The following SYT10 variants were observed in gnomAD, a reference collection of about 807,000 sequenced individuals.
The protein encoded by SYT10 is synaptotagmin-10.
A neutral mutation model predicts 51.1 loss-of-function variants in SYT10; 31 were observed. That is an observed-to-expected ratio of 0.61 (90% CI 0.46 to 0.82). SYT10 has a LOEUF of 0.82. SYT10 is among the 40% of genes least tolerant of loss of function. SYT10 has a pLI of 0.00. For synonymous variants in SYT10, 233 were observed against 225.9 expected (o/e 1.03, Z -0.28); for missense variants, 603 against 634.0 (o/e 0.95, Z 0.53).
rs189528511 is a variant in SYT10, at chr12:33,429,303, C to T, written c.152-2808G>A. ...TTCTTGTTTATAACTATATTTTTCT[C>T]TCCAAAGGAGGAGTTAGGGTTAACT... is the stretch of plus-strand genomic sequence containing the variant. On this transcript the variant is annotated intron_variant, in intron 1 of 6. Transcript: ENST00000228567. 3.0e-3 allele frequency among the ~76,000 whole-genome samples: 456 copies of T among 152,228 alleles called. 4 individuals carry two copies. The highest frequency in any genetic ancestry group is 9.0e-3 in the African/African-American group (375 of 41,546).
At chr12:33,407,628 C>G (rs1028865316) in intron 2 of SYT10, among the ~76,000 whole-genome samples, 1 of 152,094 alleles carries the variant, frequency 6.6e-6, no homozygotes, top group African/African-American at 2.4e-5. Flanking sequence ...TTTTTTGAGA[C>G]AGGATCTTGT....
In SYT10 at chr12:33,407,255, G is replaced by C. The variant is rs368570091; in HGVS notation, c.611C>G (p.Thr204Ser). 11 of 1,613,872 alleles carry C rather than the reference G, an allele frequency of 6.8e-6. No individual in the cohort carries two copies. The highest frequency in any genetic ancestry group is 1.3e-5 in the African/African-American group (1 of 74,912). Residue 204 changes from threonine (T) to serine (S), a missense_variant, in exon 3 of 7, where the codon ACC (threonine) becomes AGC (serine). Coordinates refer to ENST00000228567, the MANE Select transcript of SYT10 (RefSeq NM_198992.4). ...TTCTGGCTTTATCCTCCCAATGCTG[G>C]TTGTTGTTTCTCCTCGTTGTAAAAC... ...EPVLQRGETT[T>S]SIGRIKPELY...
chr12:33,400,603 G>A (rs1866294916), intron 3 of SYT10, among the ~76,000 whole-genome samples: 1 of 151,926 alleles, frequency 6.6e-6, no homozygotes, highest in South Asian at 2.1e-4. Flanking sequence ...CATTGAATAG[G>A]TAAGTAAATA....
chr12:33,427,801 A>C (rs1275532815), intron 1 of SYT10, among the ~76,000 whole-genome samples: 3 of 152,198 alleles, frequency 2.0e-5, no homozygotes, highest in Admixed American at 2.0e-4. Flanking sequence ...TTAAGTGAGG[A>C]TCTAGGAGAA....
At chr12:33,400,276 A>G (rs1001731244) in intron 3 of SYT10, among the ~76,000 whole-genome samples, 6 of 152,210 alleles carry the variant, frequency 3.9e-5, no homozygotes, top group Non-Finnish European at 7.3e-5. Flanking sequence ...GGGTAGAATT[A>G]AAAAGACACC....
At chr12:33,400,963 G>A (rs145703338) in intron 3 of SYT10, among the ~76,000 whole-genome samples, 1 of 151,462 alleles carries the variant, frequency 6.6e-6, no homozygotes, top group Non-Finnish European at 1.5e-5. Context: ...GGAGGTGGAG[G>A]CTGCAGTGAG....
rs564600509 is a variant in SYT10 at position 33,439,286 on chromosome 12, C to G, written c.151+86G>C. On this transcript the variant is annotated intron_variant, in intron 1 of 6. Transcript: ENST00000228567. ...CCCCAAATATGCCGCGGGAGCGGCG[C>G]GGGAGGCGCAGAACCCCGGAGCTTG... The G allele has an allele frequency of 8.0e-5, 119 of 1,486,512 alleles. No individual in the cohort carries two copies. The African/African-American group carries it at 1.5e-3, about 19-fold the overall frequency. The allele number at this position is 1,486,512 out of a possible 1,614,324, so 92.1% of individuals were successfully genotyped here. A position where few individuals can be genotyped will look rare whatever the true frequency, so the allele number is the denominator to read the frequency against.
intron 3 of SYT10, among the ~76,000 whole-genome samples, chr12:33,385,629 C>T (rs1349179244): frequency 6.6e-6 from 1 of 152,170 alleles, no homozygotes; most frequent in Non-Finnish European, 1.5e-5. Context: ...AAGGCTGAAG[C>T]CAAAAACCCA....
chr12:33,417,928 G>A (rs555853079), intron 2 of SYT10, among the ~76,000 whole-genome samples: 2 of 152,286 alleles, frequency 1.3e-5, no homozygotes, highest in African/African-American at 4.8e-5. Context: ...TGGTGAGTTG[G>A]AAGGGTTGTC....
At chr12:33,388,783 A>G (rs764709704) in intron 3 of SYT10, among the ~76,000 whole-genome samples, 2 of 152,224 alleles carry the variant, frequency 1.3e-5, no homozygotes, top group African/African-American at 2.4e-5. Flanking sequence ...ATGATTGGCT[A>G]TAGTCAACCT....
At chr12:33,416,478 T>C (rs1439425847) in intron 2 of SYT10, among the ~76,000 whole-genome samples, 3 of 152,318 alleles carry the variant, frequency 2.0e-5, no homozygotes, top group South Asian at 2.1e-4. Flanking sequence ...TCTATTGATA[T>C]TGAAAACCCT....
At chr12:33,426,521 A>G (rs1167658794) in intron 1 of SYT10, 26 bp from the exon 2 acceptor site, 1 of 1,481,112 alleles carries the variant, frequency 6.8e-7, no homozygotes, top group Non-Finnish European at 9.0e-7. Context: ...TGTAAAAATG[A>G]TTAATTAATA....
At chr12:33,379,994 C>T in intron 5 of SYT10, 33 bp from the exon 6 acceptor site, 1 of 1,563,206 alleles carries the variant, frequency 6.4e-7, no homozygotes, top group South Asian at 1.2e-5. Context: ...TTTTCATTTC[C>T]AACATTCAAA....
Position 33,376,556 on chromosome 12 carries a change from G to T in SYT10, c.*274C>A. On this transcript the variant is annotated 3_prime_UTR_variant, in exon 7 of 7. Coordinates refer to ENST00000228567, the MANE Select transcript of SYT10 (RefSeq NM_198992.4). ...TTTAAAAAAACATTTCATATGCAAA[G>T]AATTACAACATAGTAAAACACTCTT... The T allele has an allele frequency of 2.3e-6, 1 of 437,592 alleles. No individual in the cohort carries two copies. 27.1% of individuals were successfully genotyped at this position (437,592 alleles called of 1,614,324 possible).
chr12:33,381,360 C>A (rs1407596516), intron 5 of SYT10, among the ~76,000 whole-genome samples: 1 of 152,024 alleles, frequency 6.6e-6, no homozygotes, highest in Non-Finnish European at 1.5e-5. Flanking sequence ...GGTGATGATA[C>A]TATAAAATGG....
intron 1 of SYT10, among the ~76,000 whole-genome samples, chr12:33,427,577 T>C (rs1166314711): frequency 1.3e-5 from 2 of 152,136 alleles, no homozygotes; most frequent in East Asian, 1.9e-4. Flanking sequence ...AGAAGTTAGA[T>C]TAAGTAGAAT....
At chr12:33,388,327 T>C (rs1866175942) in intron 3 of SYT10, among the ~76,000 whole-genome samples, 1 of 152,186 alleles carries the variant, frequency 6.6e-6, no homozygotes, top group African/African-American at 2.4e-5. Context: ...TAGAGACATG[T>C]GCACTATCTT....
At chr12:33,395,517 A>C (rs1866248457) in intron 3 of SYT10, among the ~76,000 whole-genome samples, 1 of 152,242 alleles carries the variant, frequency 6.6e-6, no homozygotes, top group Admixed American at 6.5e-5. Flanking sequence ...TATCTCCTAC[A>C]ACCTTCAAGC....
rs140531095 is a variant in SYT10, at chr12:33,425,869, A to C, written c.509+269T>G. ...TCTGTAGTTACACGATTTTACTGAG[A>C]CCTCACATTCTGCTAAGCCCCTTTC... is the stretch of plus-strand genomic sequence containing the variant. On this transcript the variant is annotated intron_variant, in intron 2 of 6. Coordinates refer to ENST00000228567, the MANE Select transcript of SYT10 (RefSeq NM_198992.4). Among the ~76,000 whole-genome samples the C allele has an allele frequency of 3.1e-3, 467 of 152,082 alleles. 4 individuals are homozygous for C. Among genetic ancestry groups the C allele is most frequent in the African/African-American group, 0.011 (437 of 41,502 alleles).
Sources: gnomAD v4.1 joint callset for allele counts (sites outside exome capture counted in the v4.1 genomes callset) on GRCh38, gnomAD v4.1.1 for gene constraint, MANE v1.5 for transcripts, NCBI Gene and HGNC (gene_info 2026-07-23, HGNC 2026-07-21) for gene names.